RYR2: variants seen among roughly 807,000 people sequenced by gnomAD.
RYR2 encodes cardiac muscle ryanodine receptor-calcium release channel.
In RYR2, 227 loss-of-function variants were observed where a neutral mutation model predicts 601.1. The observed-to-expected ratio is 0.38, with a 90% CI of 0.34 to 0.42. The LOEUF (loss-of-function observed/expected upper bound fraction) is 0.42. Among genes scored for constraint, RYR2 ranks in the 10% least tolerant of loss-of-function variants. The pLI is 1.00. For synonymous variants in RYR2, 2,223 were observed against 2,175.1 expected, an observed-to-expected ratio of 1.02 and a Z score of -0.61; for missense variants, 4,646 against 6,156.5, an observed-to-expected ratio of 0.75 and a Z score of 8.21.
At chr1:237,594,026 C>T (rs1342487788) in intron 33 of RYR2, among the ~76,000 whole-genome samples, 1 of 152,270 alleles carries the variant, frequency 6.6e-6, no homozygotes, top group African/African-American at 2.4e-5. Context: ...ACTGTGAAGA[C>T]AATGTGGGCT....
intron 63 of RYR2, among the ~76,000 whole-genome samples, chr1:237,692,263 A>G (rs1020104772): frequency 2.0e-5 from 3 of 152,226 alleles, no homozygotes; most frequent in Non-Finnish European, 4.4e-5. Context: ...TGAGGATAGG[A>G]AAATGAAGAT....
intron 101 of RYR2, among the ~76,000 whole-genome samples, chr1:237,825,325 C>G (rs1345904479): frequency 6.6e-6 from 1 of 152,040 alleles, no homozygotes; most frequent in South Asian, 2.1e-4. Flanking sequence ...ATATATAGAC[C>G]AATGGAACAA....
chr1:237,292,993 C>CT (rs200892969), intron 2 of RYR2, among the ~76,000 whole-genome samples: 4,234 of 151,650 alleles, frequency 0.028, 92 homozygotes, highest in Non-Finnish European at 0.045. Context: ...AAAAAAAAGT[C>CT]TTTTTTTTCT....
intron 29 of RYR2, among the ~76,000 whole-genome samples, chr1:237,574,915 C>T (rs951542658): frequency 6.6e-6 from 1 of 152,116 alleles, no homozygotes. Flanking sequence ...CTCTGACCTA[C>T]AGAACTATGA....
chr1:237,620,398 A>C (rs1490455960), intron 38 of RYR2, among the ~76,000 whole-genome samples: 1 of 152,198 alleles, frequency 6.6e-6, no homozygotes, highest in Non-Finnish European at 1.5e-5. Context: ...CAAGTAATGC[A>C]TAGCATAGCA....
At chr1:237,221,539 G>A (rs189352638) in intron 1 of RYR2, among the ~76,000 whole-genome samples, 16 of 152,240 alleles carry the variant, frequency 1.1e-4, no homozygotes, top group Admixed American at 5.9e-4. Flanking sequence ...ATGAAAACAC[G>A]GGGAAATTTC....
At chr1:237,681,800 TG>T (rs1685909043) in intron 62 of RYR2, among the ~76,000 whole-genome samples, 1 of 152,106 alleles carries the variant, frequency 6.6e-6, no homozygotes, top group African/African-American at 2.4e-5. Context: ...TCCAGTACTC[TG>T]GGCCAGTATC....
In RYR2 at chr1:237,617,362, A is replaced by G; in HGVS notation, c.5792A>G (p.Asp1931Gly). 1 of 1,613,924 alleles carries G rather than the reference A, an allele frequency of 6.2e-7. No individual in the cohort carries two copies. Among genetic ancestry groups the G allele is most frequent in the East Asian group, 2.2e-5 (1 of 44,876 alleles). ...GAAGCCATTGTAGCCTTTTCAGATG[A>G]TTTTGTGGCTAAGCTCCAAGACAAT... Reference protein sequence around the residue: ...RIEAIVAFSDDFVAKLQDNQR... With the variant: ...RIEAIVAFSDGFVAKLQDNQR... Residue 1931 changes from aspartate to glycine, a missense_variant, in exon 38 of 105, where the codon GAT (aspartate) becomes GGT (glycine). Physicochemically the swap from Asp to Gly is moderately conservative, Grantham distance 94 (BLOSUM62 -1). This residue lies in a region of RYR2 where 1,807 missense variants were observed against 2,088.1 expected (regional missense o/e 0.87). Coordinates refer to ENST00000366574, the MANE Select transcript of RYR2 (RefSeq NM_001035.3).
At chr1:237,443,883 C>A (rs935384533) in intron 13 of RYR2, among the ~76,000 whole-genome samples, 1 of 152,092 alleles carries the variant, frequency 6.6e-6, no homozygotes, top group African/African-American at 2.4e-5. Context: ...TATCACAGCT[C>A]ACCTGTGAAA....
At chr1:237,519,602 G>A (rs953519231) in intron 24 of RYR2, among the ~76,000 whole-genome samples, 2 of 152,052 alleles carry the variant, frequency 1.3e-5, no homozygotes, top group African/African-American at 4.8e-5. Flanking sequence ...TAAGTATGTA[G>A]CTTTATTTCT....
At chr1:237,232,976 G>A (rs1343805486) in intron 1 of RYR2, among the ~76,000 whole-genome samples, 1 of 152,192 alleles carries the variant, frequency 6.6e-6, no homozygotes, top group East Asian at 1.9e-4. Flanking sequence ...ATGCTTGAAT[G>A]TGTTTCAACA....
chr1:237,097,637 C>T (rs1667628484), intron 1 of RYR2, among the ~76,000 whole-genome samples: 1 of 152,172 alleles, frequency 6.6e-6, no homozygotes, highest in Admixed American at 6.5e-5. Flanking sequence ...TTGTGTAATG[C>T]AATCAAAGCA....
At chr1:237,141,134 G>A (rs911518532) in intron 1 of RYR2, among the ~76,000 whole-genome samples, 4 of 152,210 alleles carry the variant, frequency 2.6e-5, no homozygotes, top group Admixed American at 6.5e-5. Flanking sequence ...AATAGAGCAT[G>A]CACATATTTT....
intron 10 of RYR2, among the ~76,000 whole-genome samples, chr1:237,391,940 A>G (rs1702421456): frequency 6.6e-6 from 1 of 152,120 alleles, no homozygotes; most frequent in Non-Finnish European, 1.5e-5. Flanking sequence ...GTGTTCATGA[A>G]ATACAGCATC....
chr1:237,748,006 C>T (rs575431895), intron 80 of RYR2, among the ~76,000 whole-genome samples: 1 of 152,270 alleles, frequency 6.6e-6, no homozygotes, highest in South Asian at 2.1e-4. Flanking sequence ...CTGCCAACTA[C>T]ATTTTTATAC....
chr1:237,046,138 A>C (rs1393051594), intron 1 of RYR2, among the ~76,000 whole-genome samples: 1 of 152,160 alleles, frequency 6.6e-6, no homozygotes, highest in Non-Finnish European at 1.5e-5. Context: ...AAGCATCTTT[A>C]AATATACTCA....
chr1:237,154,655 A>T (rs1558331095), intron 1 of RYR2, among the ~76,000 whole-genome samples: 1 of 152,180 alleles, frequency 6.6e-6, no homozygotes, highest in East Asian at 1.9e-4. Flanking sequence ...TCAAAAAAAA[A>T]TGTAGTTTTT....
chr1:237,100,358 C>T (rs1309089632), intron 1 of RYR2, among the ~76,000 whole-genome samples: 1 of 151,440 alleles, frequency 6.6e-6, no homozygotes, highest in Non-Finnish European at 1.5e-5. Context: ...CTCTCTTCTT[C>T]TTCCTCTTCC....
intron 48 of RYR2, among the ~76,000 whole-genome samples, chr1:237,645,413 C>G (rs570779017): frequency 1.5e-4 from 23 of 152,316 alleles, no homozygotes; most frequent in African/African-American, 4.3e-4. Context: ...TCTCTTCTAA[C>G]TCATTTTCAT....
Sources: allele counts gnomAD v4.1 joint callset (sites outside exome capture counted in the v4.1 genomes callset), GRCh38; gene constraint gnomAD v4.1.1; regional missense constraint gnomAD v4.1.1; transcripts MANE v1.5; gene names NCBI Gene and HGNC (gene_info 2026-07-23, HGNC 2026-07-21).